The following ANK1 variants were observed in gnomAD, a reference collection of about 807,000 sequenced individuals.
The protein encoded by ANK1 is ankyrin-1.
ANK1 carries 51 observed loss-of-function variants against 210.4 expected under a neutral mutation model. That is an observed-to-expected ratio of 0.24 (90% CI 0.19 to 0.31). ANK1 has a LOEUF of 0.31. ANK1 is among the 10% of genes least tolerant of loss of function. ANK1 has a pLI of 1.00. For synonymous variants in ANK1, 967 were observed against 1,025.9 expected (o/e 0.94, Z 1.10); for missense variants, 2,051 against 2,504.4 (o/e 0.82, Z 3.86).
At chr8:41,771,753 G>A (rs1447020389) in intron 1 of ANK1, among the ~76,000 whole-genome samples, 1 of 152,218 alleles carries the variant, frequency 6.6e-6, no homozygotes, top group Non-Finnish European at 1.5e-5. Context: ...ATGCCAAGCA[G>A]GGATGATGTG....
chr8:41,655,389 C>A lies in ANK1; in HGVS notation c.*401G>T. ...AAAAGTACCCTGTACGAAGTCAAAA[C>A]AATTTAAAAAAAAAACCCCAAAACC... On this transcript the variant is annotated 3_prime_UTR_variant, in exon 43 of 43. Transcript: ENST00000289734. The A allele has an allele frequency of 3.9e-6, 1 of 258,206 alleles. No homozygotes were observed. Among genetic ancestry groups the A allele is most frequent in the East Asian group, 7.4e-5 (1 of 13,502 alleles). The allele number at this position is 258,206 out of a possible 1,614,324, so 16.0% of individuals were successfully genotyped here. A position where few individuals can be genotyped will look rare whatever the true frequency, so the allele number is the denominator to read the frequency against.
At chr8:41,788,971 A>C (rs1847039699) in intron 1 of ANK1, 1 of 152,120 alleles carries the variant, frequency 6.6e-6, no homozygotes, top group African/African-American at 2.4e-5. Context: ...CCAAACACAC[A>C]AGCCACACTT....
intron 1 of ANK1, among the ~76,000 whole-genome samples, chr8:41,881,831 T>G (rs1175196029): frequency 6.6e-6 from 1 of 152,144 alleles, no homozygotes; most frequent in Non-Finnish European, 1.5e-5. Context: ...CGCACCTGCC[T>G]GGCTTGTGAG....
At chr8:41,692,592 G>A (rs1819574355) in intron 31 of ANK1, 56 bp downstream of exon 31, 3 of 1,540,296 alleles carry the variant, frequency 1.9e-6, no homozygotes, top group Non-Finnish European at 2.7e-6. Context: ...ATGGTGTTCT[G>A]GAGAAAACGG....
At chr8:41,817,629 C>T (rs1171839263) in intron 1 of ANK1, among the ~76,000 whole-genome samples, 1 of 152,172 alleles carries the variant, frequency 6.6e-6, no homozygotes, top group Non-Finnish European at 1.5e-5. Flanking sequence ...AGAGTTAGAG[C>T]TATTTGTCTA....
chr8:41,670,069 C>A (rs1473554537), intron 38 of ANK1, among the ~76,000 whole-genome samples: 1 of 152,052 alleles, frequency 6.6e-6, no homozygotes, highest in South Asian at 2.1e-4. Flanking sequence ...CACACACACG[C>A]CTACCTCCTG....
intron 1 of ANK1, among the ~76,000 whole-genome samples, chr8:41,846,434 C>A (rs1032236951): frequency 1.3e-5 from 2 of 152,214 alleles, no homozygotes; most frequent in African/African-American, 4.8e-5. Context: ...TGCCAAGGCC[C>A]GTGTGGGCTG....
At chr8:41,661,331 C>G in intron 42 of ANK1, 99 bp downstream of exon 42, 1 of 1,520,436 alleles carries the variant, frequency 6.6e-7, no homozygotes, top group East Asian at 2.4e-5. Context: ...GTTTGTCCCA[C>G]ATCATGCTGG....
At chr8:41,884,152 C>A (rs1257595704) in intron 1 of ANK1, among the ~76,000 whole-genome samples, 2 of 152,160 alleles carry the variant, frequency 1.3e-5, no homozygotes, top group African/African-American at 4.8e-5. Context: ...GAGTTTAAGA[C>A]CAGCCTGGGT....
chr8:41,827,175 C>CT (rs1455857419), intron 1 of ANK1, among the ~76,000 whole-genome samples: 1 of 152,226 alleles, frequency 6.6e-6, no homozygotes, highest in Non-Finnish European at 1.5e-5. Context: ...TTCCCCTACC[C>CT]TTTTTTTGTT....
chr8:41,696,230 C>G lies in ANK1; in HGVS notation c.2960+133G>C, dbSNP rs957161327. 1.2e-5 allele frequency: 12 copies of G among 1,011,210 alleles called. No individual in the cohort carries two copies. The African/African-American group carries it at 1.7e-4, about 15-fold the overall frequency. 62.6% of individuals were successfully genotyped at this position (1,011,210 alleles called of 1,614,324 possible). On this transcript the variant is annotated intron_variant, in intron 26 of 42. Coordinates refer to ENST00000289734, the MANE Select transcript of ANK1 (RefSeq NM_000037.4). ...GTAAGCCCTCTCAGGGCTATGGACA[C>G]CTTCGTGTGTCAGGAAAAGTCAGGG... is the stretch of plus-strand genomic sequence containing the variant.
At chr8:41,793,554 G>T (rs557222368) in intron 1 of ANK1, among the ~76,000 whole-genome samples, 3 of 152,316 alleles carry the variant, frequency 2.0e-5, no homozygotes, top group African/African-American at 7.2e-5. Flanking sequence ...TGTGTGTGAA[G>T]AATGGATTAG....
At chr8:41,815,103 C>A (rs894998820) in intron 1 of ANK1, among the ~76,000 whole-genome samples, 1 of 152,024 alleles carries the variant, frequency 6.6e-6, no homozygotes, top group Non-Finnish European at 1.5e-5. Flanking sequence ...GATCACAGAT[C>A]ATTATGAAGT....
At chr8:41,847,760 G>T (rs1810340775) in intron 1 of ANK1, among the ~76,000 whole-genome samples, 1 of 152,126 alleles carries the variant, frequency 6.6e-6, no homozygotes. Context: ...CCCCACATAC[G>T]CACCCAAATT....
intron 2 of ANK1, among the ~76,000 whole-genome samples, chr8:41,742,431 G>C (rs1009586851): frequency 5.3e-5 from 8 of 152,180 alleles, no homozygotes; most frequent in African/African-American, 1.9e-4. Context: ...CCACGCAGCT[G>C]TTTATTTCAC....
At chr8:41,683,428 C>T (rs1816734158) in intron 37 of ANK1, among the ~76,000 whole-genome samples, 1 of 152,120 alleles carries the variant, frequency 6.6e-6, no homozygotes, top group South Asian at 2.1e-4. Context: ...CTGGTAGGGG[C>T]TCCGTGCCCA....
chr8:41,889,093 G>A lies in ANK1; in HGVS notation c.126+7262C>T, dbSNP rs112451368. ...TAGCCTTAAGTGATCCTCCCATCTC[G>A]GCTCCCAAAGTGGTGGGATTACTGG... On this transcript the variant is annotated intron_variant, in intron 1 of 42. Transcript: ENST00000265709. 4.2e-3 allele frequency among the ~76,000 whole-genome samples: 643 copies of A among 152,288 alleles called. 7 individuals carry two copies. The highest frequency in any genetic ancestry group is 0.027 in the Middle Eastern group (8 of 294).
intron 17 of ANK1, among the ~76,000 whole-genome samples, chr8:41,706,584 T>C (rs1364813037): frequency 6.6e-6 from 1 of 152,250 alleles, no homozygotes; most frequent in Non-Finnish European, 1.5e-5. Flanking sequence ...CACGGGCCCA[T>C]AGTTTGCTGA....
intron 1 of ANK1, among the ~76,000 whole-genome samples, chr8:41,822,063 AAAGAGAGAGAGAG>A (rs1197799328): frequency 5.0e-5 from 6 of 119,874 alleles, no homozygotes; most frequent in Non-Finnish European, 1.0e-4. Flanking sequence ...AGAAAGAAAG[AAAGAGAGAGAGAG>A]AGAGAGAGAG....
Sources: allele counts gnomAD v4.1 joint callset (sites outside exome capture counted in the v4.1 genomes callset), GRCh38; gene constraint gnomAD v4.1.1; transcripts MANE v1.5; gene names NCBI Gene and HGNC (gene_info 2026-07-23, HGNC 2026-07-21).